The following FSTL5 variants were observed in gnomAD, a reference collection of about 807,000 sequenced individuals.
FSTL5 encodes follistatin-related protein 5.
Under a neutral mutation model 89.1 loss-of-function variants are expected in FSTL5, and 62 were observed. The ratio of observed to expected loss-of-function variants is 0.70; its 90% CI spans 0.57 to 0.86. The LOEUF (loss-of-function observed/expected upper bound fraction) is 0.86, where lower values mean the gene tolerates loss of function less well. FSTL5 is among the 40% of genes least tolerant of loss of function. The pLI, the probability that FSTL5 is intolerant of heterozygous loss-of-function variation, is 0.00. For synonymous variants in FSTL5, 383 were observed against 346.2 expected (o/e 1.11, Z -1.18); for missense variants, 1,057 against 1,001.6 (o/e 1.06, Z -0.75).
intron 7 of FSTL5, among the ~76,000 whole-genome samples, chr4:161,627,866 A>G (rs547502872): frequency 4.6e-5 from 7 of 152,174 alleles, no homozygotes; most frequent in Non-Finnish European, 8.8e-5. Flanking sequence ...GAATTTTGAT[A>G]TATACTGTCA....
chr4:161,429,864 GA>G (rs550694679), intron 15 of FSTL5, among the ~76,000 whole-genome samples: 30 of 152,002 alleles, frequency 2.0e-4, no homozygotes, highest in African/African-American at 7.2e-4. Flanking sequence ...TACCACACGG[GA>G]AAAAAATGTT....
intron 15 of FSTL5, among the ~76,000 whole-genome samples, chr4:161,425,199 TA>T (rs1245188954): frequency 6.6e-6 from 1 of 152,212 alleles, no homozygotes; most frequent in Admixed American, 6.5e-5. Context: ...CGAATTTTTT[TA>T]AAAAAGATTA....
intron 7 of FSTL5, among the ~76,000 whole-genome samples, chr4:161,621,761 C>T (rs1241528840): frequency 1.3e-5 from 2 of 149,946 alleles, no homozygotes; most frequent in Non-Finnish European, 3.0e-5. Context: ...GCCAGTGGAT[C>T]ACCTGAGGCC....
chr4:161,580,897 T>C (rs1162781084), intron 8 of FSTL5, among the ~76,000 whole-genome samples: 1 of 152,172 alleles, frequency 6.6e-6, no homozygotes, highest in Non-Finnish European at 1.5e-5. Context: ...AGTAAGTAGT[T>C]ATCAAGGGAT....
At chr4:161,779,780 T>TATAC (rs1741567450) in intron 4 of FSTL5, among the ~76,000 whole-genome samples, 1 of 42,786 alleles carries the variant, frequency 2.3e-5, no homozygotes, top group Non-Finnish European at 3.5e-5. Context: ...TATATGTATA[T>TATAC]ATATATATAT....
chr4:161,664,625 G>C (rs1229638277), intron 6 of FSTL5, among the ~76,000 whole-genome samples: 1 of 152,044 alleles, frequency 6.6e-6, no homozygotes, highest in East Asian at 1.9e-4. Flanking sequence ...ACATTTTTCT[G>C]TCTTTGTCTG....
chr4:162,016,777 C>A (rs1382223574), intron 3 of FSTL5, among the ~76,000 whole-genome samples: 1 of 152,154 alleles, frequency 6.6e-6, no homozygotes. Context: ...CAGTTCACAA[C>A]ATGACTGGAC....
At chr4:161,455,718 A>G (rs1374130659) in intron 14 of FSTL5, among the ~76,000 whole-genome samples, 2 of 152,160 alleles carry the variant, frequency 1.3e-5, no homozygotes, top group African/African-American at 4.8e-5. Flanking sequence ...AACTACATTT[A>G]AACTAGTTTA....
intron 10 of FSTL5, among the ~76,000 whole-genome samples, chr4:161,536,956 A>G (rs1731640483): frequency 6.6e-6 from 1 of 152,200 alleles, no homozygotes; most frequent in South Asian, 2.1e-4. Context: ...CATAAAAGGA[A>G]TAGAGCAAAG....
chr4:161,532,089 C>A (rs1045155886), intron 10 of FSTL5, among the ~76,000 whole-genome samples: 4 of 151,516 alleles, frequency 2.6e-5, no homozygotes, highest in Non-Finnish European at 5.9e-5. Context: ...CCTGTAGTCC[C>A]AGCTACTTGG....
At chr4:161,472,718 T>C (rs72683718) in intron 13 of FSTL5, among the ~76,000 whole-genome samples, 31,080 of 142,364 alleles carry the variant, frequency 0.22, 3,991 homozygotes, top group Non-Finnish European at 0.3. Context: ...AGACAATTTT[T>C]ATTATATGTA....
At chr4:162,143,833 C>T (rs932406704) in intron 1 of FSTL5, among the ~76,000 whole-genome samples, 8 of 147,012 alleles carry the variant, frequency 5.4e-5, no homozygotes, top group African/African-American at 2.0e-4. Context: ...CAAACACACA[C>T]GGCAGGAAAA....
At chr4:161,980,018 A>T (rs1463019824) in intron 3 of FSTL5, among the ~76,000 whole-genome samples, 2 of 151,688 alleles carry the variant, frequency 1.3e-5, no homozygotes, top group Non-Finnish European at 2.9e-5. Flanking sequence ...CCCACCAAAA[A>T]ATTAAAAAAA....
chr4:162,131,134 T>C (rs965334218), intron 1 of FSTL5, among the ~76,000 whole-genome samples: 15 of 152,226 alleles, frequency 9.9e-5, no homozygotes, highest in African/African-American at 3.6e-4. Context: ...AGCTGTAATA[T>C]CCCTTTAGAA....
rs544270792 is a variant in FSTL5, at chr4:161,915,048, A to G, written c.409+5356T>C. On this transcript the variant is annotated intron_variant, in intron 4 of 15. Transcript: ENST00000306100. ...TTAGGCAGACATATTTGGAACAAAC[A>G]TGCACTAGATGGGAAGCCTCTGCCC... is the stretch of plus-strand genomic sequence containing the variant. 1.1e-4 allele frequency among the ~76,000 whole-genome samples: 16 copies of G among 152,306 alleles called. No individual in the cohort carries two copies. The East Asian group carries it at 2.5e-3, about 24-fold the overall frequency.
chr4:161,841,501 G>T (rs1053334696), intron 4 of FSTL5, among the ~76,000 whole-genome samples: 1 of 152,126 alleles, frequency 6.6e-6, no homozygotes, highest in African/African-American at 2.4e-5. Context: ...CCCATAGATG[G>T]ACATGTGGGA....
At chr4:161,607,661 C>T (rs1734500881) in intron 7 of FSTL5, among the ~76,000 whole-genome samples, 1 of 152,124 alleles carries the variant, frequency 6.6e-6, no homozygotes, top group South Asian at 2.1e-4. Context: ...TTTAACTAAT[C>T]ACGCAGAGAA....
chr4:161,436,960 T>G (rs1732579030), intron 15 of FSTL5, among the ~76,000 whole-genome samples: 1 of 152,194 alleles, frequency 6.6e-6, no homozygotes, highest in South Asian at 2.1e-4. Flanking sequence ...AAACTATGTA[T>G]TGGGAATAAC....
chr4:161,848,628 G>A (rs1478385189), intron 4 of FSTL5, among the ~76,000 whole-genome samples: 2 of 151,414 alleles, frequency 1.3e-5, no homozygotes, highest in Non-Finnish European at 2.9e-5. Context: ...TTTGCAATGC[G>A]AATAATTAGA....
Sources: allele counts gnomAD v4.1 joint callset (sites outside exome capture counted in the v4.1 genomes callset), GRCh38; gene constraint gnomAD v4.1.1; transcripts MANE v1.5; gene names NCBI Gene and HGNC (gene_info 2026-07-23, HGNC 2026-07-21).